Variants in POLD1 observed in about 807,000 individuals in gnomAD.
The protein encoded by POLD1 is DNA polymerase delta catalytic subunit.
POLD1 carries 79 observed loss-of-function variants against 129.7 expected under a neutral mutation model. That is an observed-to-expected ratio of 0.61 (90% confidence interval 0.51 to 0.73). POLD1 has a LOEUF of 0.73. POLD1 is among the 30% of genes least tolerant of loss of function. The pLI, the probability that POLD1 is intolerant of heterozygous loss-of-function variation, is 0.00. For missense variants in POLD1, 1,338 were observed against 1,595.8 expected (o/e 0.84, Z 2.75); for synonymous variants, 714 against 683.3 (o/e 1.04, Z -0.70).
At position 50,409,252 on chromosome 19, in the gene POLD1, G is replaced by A. The variant is rs55655121; in HGVS notation, c.2006+17G>A. The A allele has an allele frequency of 3.2e-4, 499 of 1,541,130 alleles. 5 individuals are homozygous for A. In the African/African-American group the frequency reaches 6.2e-3, roughly 19 times the overall value. On this transcript the variant is annotated intron_variant, in intron 16 of 26. Coordinates refer to ENST00000440232, the MANE Select transcript of POLD1 (RefSeq NM_002691.4). The surrounding 1 kb of genome is among the most constrained non-coding windows in gnomAD (Gnocchi z 5.8). ...CCGGAAGAGGTGAGCCCTGGAGATC[G>A]CCTGCTTGGAGCTCAGACCTGTTGG...
chr19:50,416,565 G>A (rs2039302166), intron 23 of POLD1, 37 bp downstream of exon 23: 1 of 1,547,560 alleles, frequency 6.5e-7, no homozygotes, highest in Admixed American at 1.9e-5. Context: ...CACCCTGGGG[G>A]GGCAGAGGAG....
chr19:50,384,855 C>G (rs1251178983), intron 1 of POLD1, among the ~76,000 whole-genome samples: 1 of 152,220 alleles, frequency 6.6e-6, no homozygotes, highest in Non-Finnish European at 1.5e-5. Context: ...CAGAAGGAAA[C>G]TAACGCAGGG....
intron 1 of POLD1, among the ~76,000 whole-genome samples, chr19:50,391,977 A>G (rs1337127671): frequency 6.6e-6 from 1 of 152,166 alleles, no homozygotes; most frequent in Non-Finnish European, 1.5e-5. Flanking sequence ...TCAGCCTCCC[A>G]AAGTGCTAGG....
chr19:50,412,230 G>A (rs1199962537), intron 17 of POLD1, among the ~76,000 whole-genome samples: 1 of 152,140 alleles, frequency 6.6e-6, no homozygotes, highest in African/African-American at 2.4e-5. Flanking sequence ...TTGGCTCACT[G>A]CGACCTCTCC....
intron 20 of POLD1, 75 bp from the exon 21 acceptor site, chr19:50,415,363 G>T: frequency 6.8e-7 from 1 of 1,462,068 alleles, no homozygotes; most frequent in Admixed American, 1.8e-5. Context: ...CTGGTCTCCA[G>T]CCCTGAGACC....
rs2122381906 is a variant in POLD1, at chr19:50,409,464, C to A, written c.2007-55C>A. ...CATGGCACTCACTTCCAGAAAGGAG[C>A]CCTGACCAATGCCCAGGTGCCGCCT... On this transcript the variant is annotated intron_variant, in intron 16 of 26. Transcript: ENST00000440232. This position sits in a 1 kb window ranked among gnomAD's most constrained non-coding sequence, Gnocchi z 5.8. 7 of 1,608,294 alleles carry A rather than the reference C, an allele frequency of 4.4e-6. No homozygotes were observed. Among genetic ancestry groups the A allele is most frequent in the Non-Finnish European group, 6.0e-6 (7 of 1,175,840 alleles).
chr19:50,403,001 G>T lies in POLD1; in HGVS notation c.971-52G>T. 1.9e-6 allele frequency: 3 copies of T among 1,541,716 alleles called. No individual in the cohort carries two copies. The East Asian group carries it at 7.3e-5, about 38-fold the overall frequency. On this transcript the variant is annotated intron_variant, in intron 8 of 26. Coordinates refer to ENST00000440232, the MANE Select transcript of POLD1 (RefSeq NM_002691.4). ...AGATGGCAGGTGCAGCCTCCCTGCTGTGTTGGGAGTGAGGGGCAGGAGTCA... is the reference window on the plus strand; with the variant it reads ...AGATGGCAGGTGCAGCCTCCCTGCTTTGTTGGGAGTGAGGGGCAGGAGTCA...
At chr19:50,386,693 G>A (rs1352790454) in intron 1 of POLD1, among the ~76,000 whole-genome samples, 1 of 152,180 alleles carries the variant, frequency 6.6e-6, no homozygotes, top group African/African-American at 2.4e-5. Context: ...AAGGCCTCCT[G>A]GGGGCCCACC....
chr19:50,415,870 C>A, intron 22 of POLD1, 44 bp downstream of exon 22: 1 of 1,326,720 alleles, frequency 7.5e-7, no homozygotes, highest in Non-Finnish European at 1.0e-6. Context: ...CCCCCTCGCT[C>A]TCACTTCTGC....
rs3218772 is a variant in POLD1, at chr19:50,398,939, C to T, written c.88C>T (p.Arg30Trp). The T allele has an allele frequency of 0.01, 16,581 of 1,593,262 alleles. 132 individuals carry two copies. Among genetic ancestry groups the T allele is most frequent in the Middle Eastern group, 0.016 (72 of 4,618 alleles). Residue 30 changes from arginine (R) to tryptophan (W), a missense_variant, in exon 2 of 27, where the codon CGG becomes TGG. Coordinates refer to ENST00000440232, the MANE Select transcript of POLD1 (RefSeq NM_002691.4). ...CCTCTGGGATGATGATGATGCACCT[C>T]GGCCATCCCAATTCGAGGAGGACCT... ...GGLWDDDDAPRPSQFEEDLAL... is the reference protein window; with the variant it reads ...GGLWDDDDAPWPSQFEEDLAL...
chr19:50,388,693 T>G (rs115229651), intron 1 of POLD1, among the ~76,000 whole-genome samples: 3,312 of 151,832 alleles, frequency 0.022, 116 homozygotes, highest in African/African-American at 0.074. Context: ...GCTGTTGGCA[T>G]GACACCTCAT....
chr19:50,414,032 G>T (rs1281308828), intron 19 of POLD1, among the ~76,000 whole-genome samples, 153 bp downstream of exon 19: 1 of 152,202 alleles, frequency 6.6e-6, no homozygotes, highest in African/African-American at 2.4e-5. Flanking sequence ...AGCCTCCAAG[G>T]CCTTGGGCTT....
chr19:50,394,451 A>G (rs925316176), intron 1 of POLD1, among the ~76,000 whole-genome samples: 1 of 152,140 alleles, frequency 6.6e-6, no homozygotes, highest in Non-Finnish European at 1.5e-5. Context: ...CAGGAGTTCC[A>G]CACCAGCCTG....
Position 50,401,692 on chromosome 19 carries a change from A to C in POLD1, c.317-86A>C, listed in dbSNP as rs1362593498. 9 of 1,461,578 alleles carry C rather than the reference A, an allele frequency of 6.2e-6. 1 individual carries two copies. The East Asian group carries it at 1.1e-4, about 18-fold the overall frequency. 90.5% of individuals were successfully genotyped at this position (1,461,578 alleles called of 1,614,324 possible). A position where few individuals can be genotyped will look rare whatever the true frequency, so the allele number is the denominator to read the frequency against. Reference sequence around the variant, plus strand: ...CAGGGGCAGGAGTGCCCCAGGCTGCAGGCCCCAAGGTATTTCGAGGCTGTG... The same window carrying C: ...CAGGGGCAGGAGTGCCCCAGGCTGCCGGCCCCAAGGTATTTCGAGGCTGTG... On this transcript the variant is annotated intron_variant, in intron 3 of 26. Coordinates refer to ENST00000440232, the MANE Select transcript of POLD1 (RefSeq NM_002691.4).
chr19:50,416,818 ACCCAGTGGG>A (rs1415037993), intron 24 of POLD1, 95 bp downstream of exon 24: 3 of 1,079,832 alleles, frequency 2.8e-6, no homozygotes, highest in Non-Finnish European at 4.0e-6. Context: ...TGGCACTGCC[ACCCAGTGGG>A]CCCAGGGCCC....
rs201038430 is a variant in POLD1, at chr19:50,407,134, G to A, written c.1646G>A (p.Arg549His). 8.1e-6 allele frequency: 13 copies of A among 1,612,794 alleles called. No individual in the cohort carries two copies. Among genetic ancestry groups the A allele is most frequent in the Admixed American group, 3.3e-5 (2 of 59,954 alleles). Residue 549 changes from arginine (R) to histidine (H), a missense_variant, in exon 13 of 27, where the codon CGT (arginine) becomes CAT (histidine). Physicochemically the swap from Arg to His is conservative, Grantham distance 29. Around this residue, in one of 3 missense-constraint regions of POLD1, gnomAD observed 720 missense variants for 1,002.6 expected, o/e 0.72. Transcript: ENST00000440232. ...GTGCCCCTCAGCTACCTGCTCAGTC[G>A]TGGCCAGCAGGTCAAGGTCGTATCC... ...TGVPLSYLLSRGQQVKVVSQL... is the reference protein window; with the variant it reads ...TGVPLSYLLSHGQQVKVVSQL...
chr19:50,395,687 C>G (rs2038334325), intron 1 of POLD1, among the ~76,000 whole-genome samples: 1 of 151,972 alleles, frequency 6.6e-6, no homozygotes, highest in African/African-American at 2.4e-5. Context: ...TGTTTCTTAT[C>G]TCCCTTCTCT....
Position 50,403,318 on chromosome 19 carries a change from G to T in POLD1, c.1137+99G>T, listed in dbSNP as rs3219381. 608 of 1,267,250 alleles carry T rather than the reference G, an allele frequency of 4.8e-4. 4 individuals carry two copies. In the African/African-American group the frequency reaches 8.4e-3, roughly 17 times the overall value. 78.5% of individuals were successfully genotyped at this position (1,267,250 alleles called of 1,614,324 possible). On this transcript the variant is annotated intron_variant, in intron 9 of 26. Coordinates refer to ENST00000440232, the MANE Select transcript of POLD1 (RefSeq NM_002691.4). ...TGGGTGCTGCGACGCCCATGTCTGT[G>T]GGTCTGGGTGGGTGTCTGTGGGTCT...
intron 1 of POLD1, among the ~76,000 whole-genome samples, chr19:50,386,040 G>A (rs796801969): frequency 2.6e-4 from 40 of 152,332 alleles, no homozygotes; most frequent in African/African-American, 8.7e-4. Flanking sequence ...GAGCTATGGC[G>A]GAGCAGTGAT....
Sources: gnomAD v4.1 joint callset for allele counts (sites outside exome capture counted in the v4.1 genomes callset) on GRCh38, gnomAD v4.1.1 for gene constraint, gnomAD v4.1.1 regional missense constraint, Gnocchi (gnomAD v3.1) non-coding constraint, MANE v1.5 for transcripts, NCBI Gene and HGNC (gene_info 2026-07-23, HGNC 2026-07-21) for gene names.